ETV4: variants seen among roughly 807,000 people sequenced by gnomAD.
The protein encoded by ETV4 is ETS variant transcription factor 4.
A neutral mutation model predicts 65.9 loss-of-function variants in ETV4; 42 were observed. That is an observed-to-expected ratio of 0.64 (90% CI 0.50 to 0.82). The LOEUF is 0.82. ETV4 is among the 40% of genes least tolerant of loss of function. The probability of loss-of-function intolerance (pLI) is 0.00; values close to 1 mark genes in which losing one functional copy is unlikely to be tolerated. For synonymous variants in ETV4, 238 were observed against 260.0 expected, an observed-to-expected ratio of 0.92 and a Z score of 0.81; for missense variants, 583 against 630.3, an observed-to-expected ratio of 0.92 and a Z score of 0.80.
rs1267141946 is a variant in ETV4, at chr17:43,532,939, G to A, written c.546C>T (p.Ser182=). 2 of 1,564,368 alleles carry A rather than the reference G, an allele frequency of 1.3e-6. No homozygotes were observed. The highest frequency in any genetic ancestry group is 4.5e-5 in the East Asian group (2 of 44,312). Residue 182 remains serine (S), a splice_region_variant and synonymous_variant, in exon 8 of 13, where the codon AGC becomes AGT. Transcript: ENST00000319349. The stretch of plus-strand genomic sequence containing the variant: ...TGTCCAGGGGCTGCTGGAAGACGGA[G>A]CTGGATGTGGTTGGATGGAGAAGGA... ...HPGHGYLGEH[S]SVFQQPLDIC... is the part of the protein sequence containing the mutation.
At chr17:43,539,967 G>A (rs1475458863) in intron 4 of ETV4, among the ~76,000 whole-genome samples, 3 of 152,194 alleles carry the variant, frequency 2.0e-5, no homozygotes, top group Non-Finnish European at 4.4e-5. Flanking sequence ...GCAGCTAAAC[G>A]AGAACTTAGG....
chr17:43,532,502 A>G (rs1158544802), intron 8 of ETV4, among the ~76,000 whole-genome samples, 172 bp downstream of exon 8: 4 of 152,202 alleles, frequency 2.6e-5, no homozygotes, highest in South Asian at 2.1e-4. Flanking sequence ...ATTTCAAAAA[A>G]AAAAAGAAAA....
rs186657504 is a variant in ETV4, at chr17:43,531,560, T to A, written c.811+1114A>T. On this transcript the variant is annotated intron_variant, in intron 8 of 12. Transcript: ENST00000319349. The stretch of plus-strand genomic sequence containing the variant: ...CTCTACTAAAAATACAAAAACTAGC[T>A]GGGCATGGTGATGGGCACCTGTAAC... 2.9e-4 allele frequency among the ~76,000 whole-genome samples: 44 copies of A among 152,192 alleles called. 1 individual carries two copies. Among genetic ancestry groups the A allele is most frequent in the Admixed American group, 2.3e-3 (35 of 15,280 alleles).
intron 8 of ETV4, chr17:43,530,396 G>A (rs1970850442): frequency 1.4e-6 from 2 of 1,431,426 alleles, no homozygotes; most frequent in South Asian, 1.5e-5. Flanking sequence ...TGAGGGCTGC[G>A]GCTGAGGCCA....
At position 43,529,282 on chromosome 17, in the gene ETV4, G is replaced by GA. The variant is rs1567705718; in HGVS notation, c.1129-47dup. Reference sequence around the variant, plus strand: ...GGGTAGAGATGCTACCTTGGCAGAGGAAAAAATGGGGGTAAGGTCAGAAAG... The same window carrying GA: ...GGGTAGAGATGCTACCTTGGCAGAGGAAAAAAATGGGGGTAAGGTCAGAAAG... On this transcript the variant is annotated intron_variant, in intron 11 of 12. Coordinates refer to ENST00000319349, the MANE Select transcript of ETV4 (RefSeq NM_001079675.5). 5 of 1,579,094 alleles carry GA rather than the reference G, an allele frequency of 3.2e-6. No individual in the cohort carries two copies. The South Asian group carries it at 4.4e-5, about 14-fold the overall frequency.
Position 43,529,638 on chromosome 17 carries a change from C to T in ETV4, c.994G>A (p.Gly332Arg). Residue 332 changes from glycine to arginine, a missense_variant, in exon 11 of 13, where the codon GGG (glycine) becomes AGG (arginine). By Grantham distance (125) the Gly-to-Arg change is moderately radical (BLOSUM62 -2). Transcript: ENST00000319349. The stretch of plus-strand genomic sequence containing the variant: ...GCACCCCGGCGCTGGTAGGGCGGCC[C>T]CTCTCGAAATGCACCGACCCCTTCC... The part of the protein sequence containing the change: ...KQEGVGAFRE[G>R]PPYQRRGALQ... 6.2e-7 allele frequency: 1 copy of T among 1,613,906 alleles called. No individual in the cohort carries two copies. Among genetic ancestry groups the T allele is most frequent in the Non-Finnish European group, 8.5e-7 (1 of 1,179,914 alleles).
At chr17:43,538,137 T>A (rs1478725870) in intron 4 of ETV4, among the ~76,000 whole-genome samples, 7 of 93,426 alleles carry the variant, frequency 7.5e-5, no homozygotes, top group Non-Finnish European at 1.2e-4. Flanking sequence ...CAAGACTCCA[T>A]TTCAAAAAAA....
chr17:43,544,614 A>C (rs999075236), intron 4 of ETV4, among the ~76,000 whole-genome samples: 1 of 152,110 alleles, frequency 6.6e-6, no homozygotes, highest in African/African-American at 2.4e-5. Context: ...ACACCCCAAC[A>C]TGCACCTTGG....
At chr17:43,529,332 G>A in intron 11 of ETV4, 96 bp from the exon 12 acceptor site, 1 of 1,430,986 alleles carries the variant, frequency 7.0e-7, no homozygotes, top group Non-Finnish European at 9.8e-7. Flanking sequence ...TTGGTGCAAA[G>A]TGCCAAGCTA....
At chr17:43,540,970 C>T (rs1025083792) in intron 4 of ETV4, among the ~76,000 whole-genome samples, 1 of 152,148 alleles carries the variant, frequency 6.6e-6, no homozygotes, top group Non-Finnish European at 1.5e-5. Context: ...GGGGGTATCT[C>T]TTGCTGGCGT....
chr17:43,544,299 C>G (rs1425252106), intron 4 of ETV4: 5 of 152,986 alleles, frequency 3.3e-5, no homozygotes, highest in African/African-American at 1.2e-4. Flanking sequence ...TCACAGCTAA[C>G]TCCCCAGCAC....
intron 7 of ETV4, 26 bp from the exon 8 acceptor site, chr17:43,532,965 A>G (rs1475222561): frequency 6.5e-7 from 1 of 1,537,924 alleles, no homozygotes; most frequent in Non-Finnish European, 8.7e-7. Flanking sequence ...TGGAGAAGGA[A>G]GAGAAGAGAA....
At chr17:43,535,731 A>G (rs764472624) in intron 5 of ETV4, among the ~76,000 whole-genome samples, 5 of 152,156 alleles carry the variant, frequency 3.3e-5, no homozygotes, top group Non-Finnish European at 5.9e-5. Flanking sequence ...CCCCACCCTC[A>G]ACTGTGACAA....
At position 43,545,637 on chromosome 17, in the gene ETV4, G is replaced by T. The variant is rs377587815; in HGVS notation, c.-20C>A. The T allele has an allele frequency of 1.1e-4, 173 of 1,549,458 alleles. No homozygotes were observed. The African/African-American group carries it at 2.2e-3, about 19-fold the overall frequency. ...CTCCATCCGGCCGCTCCCTCCGGCC[G>T]CACGGCCGGGGCCCCAAGCGGGGGC... On this transcript the variant is annotated 5_prime_UTR_variant, in exon 2 of 13. The change creates a premature stop within an existing upstream ORF in the 5' untranslated region. Transcript: ENST00000319349.
chr17:43,530,921 T>C (rs1970895572), intron 8 of ETV4, among the ~76,000 whole-genome samples: 1 of 152,080 alleles, frequency 6.6e-6, no homozygotes, highest in African/African-American at 2.4e-5. Context: ...GCCTCCATTT[T>C]GTGAATGGAA....
intron 4 of ETV4, among the ~76,000 whole-genome samples, chr17:43,542,241 G>A (rs1471784471): frequency 2.0e-5 from 3 of 152,084 alleles, no homozygotes; most frequent in Non-Finnish European, 2.9e-5. Flanking sequence ...ACACCTTTAT[G>A]TATGGTGCAC....
intron 5 of ETV4, 69 bp from the exon 6 acceptor site, chr17:43,534,054 C>T (rs1295301069): frequency 1.4e-6 from 2 of 1,407,462 alleles, no homozygotes; most frequent in East Asian, 5.7e-5. Context: ...GCTTCTGATA[C>T]CTTCTGAGCT....
At chr17:43,529,404 C>A in intron 11 of ETV4, 100 bp downstream of exon 11, 6 of 1,471,390 alleles carry the variant, frequency 4.1e-6, no homozygotes, top group Non-Finnish European at 5.6e-6. Flanking sequence ...TTAGGTAAAG[C>A]AAGAATCATG....
In ETV4 at chr17:43,532,675, T is replaced by G. The variant is rs746622168; in HGVS notation, c.810A>C (p.Ser270=). ...KQEQTDFAYD[S]DVTGCASMYL... The stretch of plus-strand genomic sequence containing the variant: ...CCCTGCCCCACCCCAGTCTCTTACC[T>G]GAGTCGTAGGCGAAGTCCGTCTGTT... The change falls in exon 8 of 13, where the codon TCA becomes TCC. Residue 270 remains serine (S), a splice_region_variant and synonymous_variant. Transcript: ENST00000319349. 1 of 1,610,712 alleles carries G rather than the reference T, an allele frequency of 6.2e-7. No homozygotes were observed. The highest frequency in any genetic ancestry group is 8.5e-7 in the Non-Finnish European group (1 of 1,177,696).
Sources: allele counts gnomAD v4.1 joint callset (sites outside exome capture counted in the v4.1 genomes callset), GRCh38; gene constraint gnomAD v4.1.1; transcripts MANE v1.5; gene names NCBI Gene and HGNC (gene_info 2026-07-23, HGNC 2026-07-21).